Variants in POU6F2 observed in about 807,000 individuals in gnomAD.
POU6F2 encodes the protein POU class 6 homeobox 2, also known as POU domain, class 6, transcription factor 2.
A neutral mutation model predicts 71.3 loss-of-function variants in POU6F2; 31 were observed. The ratio of observed to expected loss-of-function variants is 0.43; its 90% confidence interval spans 0.33 to 0.59. POU6F2 has a LOEUF of 0.59. Ranked by LOEUF, POU6F2 falls within the 20% of genes least tolerant of loss-of-function variation. The probability of loss-of-function intolerance (pLI) is 0.04; values close to 1 mark genes in which losing one functional copy is unlikely to be tolerated. For missense variants in POU6F2, 783 were observed against 856.8 expected (o/e 0.91, Z 1.07); for synonymous variants, 347 against 355.7 (o/e 0.98, Z 0.27).
At chr7:39,143,195 A>G (rs1792541670) in intron 2 of POU6F2, among the ~76,000 whole-genome samples, 1 of 152,216 alleles carries the variant, frequency 6.6e-6, no homozygotes, top group South Asian at 2.1e-4. Flanking sequence ...GTTGGTCCTC[A>G]TAATGGTCAA....
intron 4 of POU6F2, among the ~76,000 whole-genome samples, chr7:39,208,141 G>C (rs1794061076): frequency 6.6e-6 from 1 of 152,150 alleles, no homozygotes. Context: ...CTCATATTTT[G>C]CAATGAGAAA....
At chr7:39,293,617 C>T (rs73695253) in intron 4 of POU6F2, among the ~76,000 whole-genome samples, 8,805 of 152,182 alleles carry the variant, frequency 0.058, 335 homozygotes, top group South Asian at 0.18. Context: ...ATGGGTGGCC[C>T]GTTCACTGGA....
chr7:39,158,608 C>A (rs1027962482), intron 2 of POU6F2, among the ~76,000 whole-genome samples: 2 of 152,080 alleles, frequency 1.3e-5, no homozygotes, highest in African/African-American at 2.4e-5. Context: ...GTCCAAAGGC[C>A]AGAGAACCTG....
At position 39,451,632 on chromosome 7, in the gene POU6F2, C is replaced by G; in HGVS notation, c.1420C>G (p.Arg474Gly). Residue 474 changes from arginine to glycine, a missense_variant, in exon 8 of 10, where the codon CGG becomes GGG. By Grantham distance (125) the Arg-to-Gly change is moderately radical. Around this residue, in one of 2 missense-constraint regions of POU6F2, gnomAD observed 572 missense variants for 572.9 expected, o/e 1.00. Transcript: ENST00000518318. Reference sequence around the variant, plus strand: ...AGCATCCATGTCTCAAAGTCCCGTCCGGCAGGCTTCCTCTTCTTCCTCCTC... The same window carrying G: ...AGCATCCATGTCTCAAAGTCCCGTCGGGCAGGCTTCCTCTTCTTCCTCCTC... The part of the protein sequence containing the change: ...SQASMSQSPV[R>G]QASSSSSSSS... 6.2e-7 allele frequency: 1 copy of G among 1,613,332 alleles called. No individual in the cohort carries two copies. The highest frequency in any genetic ancestry group is 8.5e-7 in the Non-Finnish European group (1 of 1,179,664).
At chr7:39,010,159 G>C (rs369946377) in intron 1 of POU6F2, among the ~76,000 whole-genome samples, 10,786 of 96,964 alleles carry the variant, frequency 0.11, 382 homozygotes, top group South Asian at 0.15. Context: ...GTCCTGGACT[G>C]TTTTTGGTTG....
intron 5 of POU6F2, among the ~76,000 whole-genome samples, chr7:39,380,871 C>T (rs1055421918): frequency 2.6e-5 from 4 of 152,148 alleles, no homozygotes; most frequent in East Asian, 3.9e-4. Context: ...AGAAATTCTA[C>T]TCGTGCTCAC....
intron 1 of POU6F2, among the ~76,000 whole-genome samples, chr7:39,012,115 G>C (rs1056211933): frequency 2.6e-5 from 4 of 151,142 alleles, no homozygotes; most frequent in Non-Finnish European, 5.9e-5. Context: ...ATCCTGCAGA[G>C]TGTTTTCCAA....
intron 5 of POU6F2, chr7:39,373,545 A>T (rs117328533): frequency 4.4e-6 from 2 of 456,620 alleles, no homozygotes; most frequent in East Asian, 1.4e-4. Context: ...ACTTCACTTC[A>T]GAAATGATTC....
chr7:39,215,375 C>T lies in POU6F2; in HGVS notation c.598+7755C>T, dbSNP rs61368621. Among the ~76,000 whole-genome samples the T allele has an allele frequency of 3.8e-3, 576 of 151,714 alleles. 7 individuals carry two copies. The highest frequency in any genetic ancestry group is 0.013 in the African/African-American group (557 of 41,354). On this transcript the variant is annotated intron_variant, in intron 4 of 9. Coordinates refer to ENST00000518318, the MANE Select transcript of POU6F2 (RefSeq NM_001370959.1). ...TAAATAAATAAATAAAAACAAGAAG[C>T]GAGAAAGAGCAAAATCTTTTTAATA...
At chr7:39,441,846 G>A (rs953125037) in intron 7 of POU6F2, among the ~76,000 whole-genome samples, 2 of 152,192 alleles carry the variant, frequency 1.3e-5, no homozygotes, top group Non-Finnish European at 2.9e-5. Flanking sequence ...GAAAGGTGGT[G>A]GACAGGAATG....
At chr7:39,165,070 T>G (rs1793083047) in intron 2 of POU6F2, among the ~76,000 whole-genome samples, 1 of 152,190 alleles carries the variant, frequency 6.6e-6, no homozygotes, top group Non-Finnish European at 1.5e-5. Flanking sequence ...CTAGGATCAA[T>G]GATTATGTCA....
At chr7:39,093,506 T>C (rs987809768) in intron 2 of POU6F2, among the ~76,000 whole-genome samples, 5 of 152,134 alleles carry the variant, frequency 3.3e-5, no homozygotes, top group Non-Finnish European at 5.9e-5. Flanking sequence ...AGTTTCACAA[T>C]TTAATGAATA....
chr7:39,119,414 G>A (rs1413334769), intron 2 of POU6F2, among the ~76,000 whole-genome samples: 4 of 152,042 alleles, frequency 2.6e-5, no homozygotes, highest in Non-Finnish European at 5.9e-5. Context: ...ATACATAATG[G>A]TAATATAAAC....
chr7:39,411,548 C>T (rs1787550661), intron 6 of POU6F2, among the ~76,000 whole-genome samples: 1 of 152,072 alleles, frequency 6.6e-6, no homozygotes, highest in Non-Finnish European at 1.5e-5. Flanking sequence ...GGGAAGTCAA[C>T]TAAACACTAT....
chr7:39,109,769 T>A (rs1315369938), intron 2 of POU6F2, among the ~76,000 whole-genome samples: 1 of 152,232 alleles, frequency 6.6e-6, no homozygotes, highest in African/African-American at 2.4e-5. Flanking sequence ...GCTTTAAATT[T>A]AGAGTGATAT....
chr7:39,010,445 T>G (rs1789239751), intron 1 of POU6F2, among the ~76,000 whole-genome samples: 1 of 151,872 alleles, frequency 6.6e-6, no homozygotes, highest in African/African-American at 2.4e-5. Flanking sequence ...TAGTGGTCTA[T>G]GAATTTTGTT....
intron 6 of POU6F2, among the ~76,000 whole-genome samples, chr7:39,412,425 A>G (rs1787568384): frequency 6.6e-6 from 1 of 152,232 alleles, no homozygotes; most frequent in African/African-American, 2.4e-5. Context: ...ATTGAGATAC[A>G]ATGAATTTAT....
intron 4 of POU6F2, among the ~76,000 whole-genome samples, chr7:39,312,547 C>G (rs1437301303): frequency 1.3e-5 from 2 of 152,206 alleles, no homozygotes; most frequent in African/African-American, 2.4e-5. Context: ...TTCCAAGACC[C>G]CTAGCTGCCT....
chr7:39,250,193 C>G (rs1783890376), intron 4 of POU6F2, among the ~76,000 whole-genome samples: 1 of 152,206 alleles, frequency 6.6e-6, no homozygotes, highest in African/African-American at 2.4e-5. Flanking sequence ...CACTCACTTG[C>G]ACGCATCTTA....
Sources: gnomAD v4.1 joint callset for allele counts (sites outside exome capture counted in the v4.1 genomes callset) on GRCh38, gnomAD v4.1.1 for gene constraint, gnomAD v4.1.1 regional missense constraint, MANE v1.5 for transcripts, NCBI Gene and HGNC (gene_info 2026-07-23, HGNC 2026-07-21) for gene names.